Variants in SAMSN1 observed in about 807,000 individuals in gnomAD.
SAMSN1 encodes the protein SAM domain, SH3 domain and nuclear localization signals 1, also known as SAM domain-containing protein SAMSN-1.
Under a neutral mutation model 42.0 loss-of-function variants are expected in SAMSN1, and 31 were observed. The observed-to-expected ratio is 0.74, with a 90% CI of 0.55 to 1.00. SAMSN1 has a LOEUF of 1.00. Ranked by LOEUF, SAMSN1 falls within the 50% of genes least tolerant of loss-of-function variation. The pLI is 0.00. For synonymous variants in SAMSN1, 178 were observed against 151.9 expected (o/e 1.17, Z -1.26); for missense variants, 464 against 439.4 (o/e 1.06, Z -0.50).
At chr21:14,555,526 AT>A (rs1568806633) in intron 2 of SAMSN1, among the ~76,000 whole-genome samples, 2 of 152,166 alleles carry the variant, frequency 1.3e-5, no homozygotes, top group African/African-American at 4.8e-5. Context: ...AAGTTTTCAG[AT>A]TGGCATAGGG....
At chr21:14,549,664 AT>A (rs1201401280), upstream of SAMSN1, among the ~76,000 whole-genome samples, 1 of 152,186 alleles carries the variant, frequency 6.6e-6, no homozygotes, top group Non-Finnish European at 1.5e-5. Context: ...CAACTCTGAA[AT>A]TAAGATTTAA....
intron 7 of SAMSN1, among the ~76,000 whole-genome samples, chr21:14,498,013 G>A (rs192064261): frequency 6.6e-6 from 1 of 152,234 alleles, no homozygotes; most frequent in East Asian, 1.9e-4. Context: ...GTGACTATGT[G>A]GTCATAAAAT....
chr21:14,654,981 C>T (rs922573530), intron 1 of SAMSN1, among the ~76,000 whole-genome samples: 1 of 151,838 alleles, frequency 6.6e-6, no homozygotes, highest in Admixed American at 6.6e-5. Flanking sequence ...GAAAATTAAA[C>T]CATTTAATTC....
At chr21:14,652,296 C>A (rs1004168137) in intron 1 of SAMSN1, among the ~76,000 whole-genome samples, 2 of 152,112 alleles carry the variant, frequency 1.3e-5, no homozygotes, top group Admixed American at 1.3e-4. Flanking sequence ...AATTAGACTA[C>A]AGAGCTATAG....
intron 1 of SAMSN1, among the ~76,000 whole-genome samples, chr21:14,533,389 G>C (rs983188123): frequency 6.6e-6 from 1 of 152,106 alleles, no homozygotes; most frequent in African/African-American, 2.4e-5. Context: ...CTTACTCCAG[G>C]AGTTTAAGCT....
At chr21:14,579,641 C>CTTTTTTTTTTTTT (rs1247868810) in intron 2 of SAMSN1, among the ~76,000 whole-genome samples, 4 of 89,142 alleles carry the variant, frequency 4.5e-5, no homozygotes, top group African/African-American at 1.9e-4. Context: ...AAAATGCTCA[C>CTTTTTTTTTTTTT]TTTTTTTTTT....
At chr21:14,501,208 G>A (rs1191658226) in intron 5 of SAMSN1, among the ~76,000 whole-genome samples, 1 of 152,060 alleles carries the variant, frequency 6.6e-6, no homozygotes, top group Non-Finnish European at 1.5e-5. Flanking sequence ...TTGACAAAAA[G>A]CTCTCACATA....
At chr21:14,544,450 G>T (rs1337161574) in intron 1 of SAMSN1, among the ~76,000 whole-genome samples, 1 of 152,072 alleles carries the variant, frequency 6.6e-6, no homozygotes, top group Non-Finnish European at 1.5e-5. Flanking sequence ...AATTACAAAT[G>T]GAAAAATATC....
upstream of SAMSN1, among the ~76,000 whole-genome samples, chr21:14,549,993 T>C (rs565936006): frequency 3.2e-4 from 48 of 151,298 alleles, no homozygotes; most frequent in Middle Eastern, 0.01. Context: ...TCTGATGACG[T>C]TCTCTGCAAT....
intron 1 of SAMSN1, among the ~76,000 whole-genome samples, chr21:14,524,030 A>G (rs1978670913): frequency 6.6e-6 from 1 of 152,198 alleles, no homozygotes. Context: ...AAATATTTAA[A>G]AGAACATTTA....
chr21:14,658,799 C>G (rs942644321), exon 1 of SAMSN1: 1 of 715,172 alleles, frequency 1.4e-6, no homozygotes, highest in African/African-American at 1.8e-5. Flanking sequence ...TCTTGTTGCC[C>G]TGCTTTGAAA....
intron 2 of SAMSN1, among the ~76,000 whole-genome samples, chr21:14,563,357 T>A (rs992320586): frequency 1.3e-5 from 2 of 152,192 alleles, no homozygotes; most frequent in Non-Finnish European, 2.9e-5. Flanking sequence ...GAAGGAGAAA[T>A]TTAACATGAC....
intron 2 of SAMSN1, among the ~76,000 whole-genome samples, chr21:14,630,171 G>C (rs890049933): frequency 6.6e-6 from 1 of 152,126 alleles, no homozygotes; most frequent in African/African-American, 2.4e-5. Context: ...CTCTCCCAGG[G>C]CTGCTACTAA....
rs146981516 is a variant in SAMSN1 at position 14,609,868 on chromosome 21, T to C, written c.236-300A>G. Among the ~76,000 whole-genome samples, 41 of 152,338 alleles carry C rather than the reference T, an allele frequency of 2.7e-4. 1 individual carries two copies. The highest frequency in any genetic ancestry group is 8.7e-4 in the African/African-American group (36 of 41,590). On this transcript the variant is annotated intron_variant, in intron 4 of 15. Coordinates refer to the SAMSN1 transcript ENST00000647101. The stretch of plus-strand genomic sequence containing the variant: ...CTTTACTGCAATCTCTGAACATAAA[T>C]TGTGAAGATTTCATAGACACTTATC...
chr21:14,587,703 C>A (rs1352259273), upstream of SAMSN1, among the ~76,000 whole-genome samples: 1 of 152,004 alleles, frequency 6.6e-6, no homozygotes, highest in Non-Finnish European at 1.5e-5. Flanking sequence ...ACATATCCAA[C>A]TATGTATTTA....
rs77677008 is a variant in SAMSN1 at position 14,569,797 on chromosome 21, G to A, written c.261+12339C>T. ...AATATATTTATCACTATATGGGAAC[G>A]ATTTAATCTGCTCCATAGAGAGAGC... is the stretch of plus-strand genomic sequence containing the variant. On this transcript the variant is annotated intron_variant, in intron 2 of 8. Coordinates refer to the SAMSN1 transcript ENST00000285670. Among the ~76,000 whole-genome samples the A allele has an allele frequency of 2.8e-3, 431 of 152,186 alleles. 7 individuals carry two copies. In the East Asian group the frequency reaches 0.06, roughly 21 times the overall value.
At chr21:14,606,518 C>A (rs116141538) in intron 5 of SAMSN1, among the ~76,000 whole-genome samples, 3,991 of 152,066 alleles carry the variant, frequency 0.026, 104 homozygotes, top group South Asian at 0.081. Flanking sequence ...TTTATAAACT[C>A]AAGTCAAAAT....
intron 2 of SAMSN1, among the ~76,000 whole-genome samples, chr21:14,622,938 A>G (rs1983054143): frequency 6.6e-6 from 1 of 152,232 alleles, no homozygotes; most frequent in African/African-American, 2.4e-5. Flanking sequence ...GAAACTCCAC[A>G]AGCCAGAAGA....
intron 7 of SAMSN1, among the ~76,000 whole-genome samples, chr21:14,494,549 G>T (rs1348384884): frequency 1.3e-5 from 2 of 152,242 alleles, no homozygotes; most frequent in Middle Eastern, 3.4e-3. Flanking sequence ...ACACACCACT[G>T]CTTGTCAGGG....
Sources: gnomAD v4.1 joint callset for allele counts (sites outside exome capture counted in the v4.1 genomes callset) on GRCh38, gnomAD v4.1.1 for gene constraint, MANE v1.5 for transcripts, NCBI Gene and HGNC (gene_info 2026-07-23, HGNC 2026-07-21) for gene names.